The following NUPR2 variants were observed in gnomAD, a reference collection of about 807,000 sequenced individuals.
NUPR2 encodes the protein nuclear protein 2.
In NUPR2, 14 loss-of-function variants were observed where a neutral mutation model predicts 7.3. That is an observed-to-expected ratio of 1.93 (90% CI 1.27 to 3.01). The LOEUF (loss-of-function observed/expected upper bound fraction) is 3.01, where lower values mean the gene tolerates loss of function less well. Ranked by LOEUF, NUPR2 falls within the 30% of genes most tolerant of loss-of-function variation. The pLI, the probability that NUPR2 is intolerant of heterozygous loss-of-function variation, is 0.00. For missense variants in NUPR2, 162 were observed against 143.7 expected, an observed-to-expected ratio of 1.13 and a Z score of -0.65; for synonymous variants, 56 against 59.7, an observed-to-expected ratio of 0.94 and a Z score of 0.29.
Position 56,116,273 on chromosome 7 carries a change from A to G in NUPR2, c.42T>C (p.Ala14=), listed in dbSNP as rs1437593477. ...TTATGGGTGGCGGCGGCCGAGCCAGAGCCTGCAGACGTGGAAGCGCCCGCT... is the reference window on the plus strand; with the variant it reads ...TTATGGGTGGCGGCGGCCGAGCCAGGGCCTGCAGACGTGGAAGCGCCCGCT... The part of the protein sequence containing the change: ...PAERALPRLQ[A]LARPPPPISY... Residue 14 remains alanine (A), a synonymous_variant, in exon 1 of 2, where the codon GCT becomes GCC. Transcript: ENST00000329309. 3 of 1,525,622 alleles carry G rather than the reference A, an allele frequency of 2.0e-6. No homozygotes were observed. Among genetic ancestry groups the G allele is most frequent in the East Asian group, 5.2e-5 (2 of 38,104 alleles). The allele number at this position is 1,525,622 out of a possible 1,614,324, so 94.5% of individuals were successfully genotyped here. A position where few individuals can be genotyped will look rare whatever the true frequency, so the allele number is the denominator to read the frequency against.
At chr7:56,115,431 G>GTATATACATATATA (rs56746301) in intron 1 of NUPR2, among the ~76,000 whole-genome samples, 1 of 26,750 alleles carries the variant, frequency 3.7e-5, no homozygotes, top group Non-Finnish European at 6.3e-5. Context: ...ATATATATTT[G>GTATATACATATATA]TGTGTGTGTG....
intron 1 of NUPR2, among the ~76,000 whole-genome samples, chr7:56,115,626 TATA>T (rs759575942): frequency 4.6e-5 from 1 of 21,758 alleles, no homozygotes; most frequent in East Asian, 8.2e-4. Context: ...TGGCTAATTT[TATA>T]TATATATATA....
At chr7:56,115,413 A>ACACATG (rs1285875592) in intron 1 of NUPR2, among the ~76,000 whole-genome samples, 8 of 46,362 alleles carry the variant, frequency 1.7e-4, no homozygotes, top group African/African-American at 8.4e-4. Context: ...ATATATATAT[A>ACACATG]TATATATATA....
chr7:56,116,181 G>T lies in NUPR2; in HGVS notation c.134C>A (p.Ala45Glu). The T allele has an allele frequency of 6.5e-7, 1 of 1,548,810 alleles. No homozygotes were observed. The highest frequency in any genetic ancestry group is 8.7e-7 in the Non-Finnish European group (1 of 1,145,940). The change falls in exon 1 of 2, where the codon GCA (alanine) becomes GAA (glutamate). Residue 45 changes from alanine to glutamate, a missense_variant. Coordinates refer to ENST00000329309, the MANE Select transcript of NUPR2 (RefSeq NM_001145712.2). ...YYLRDFPACG[A>E]GRSKGRTRRE... ...CCGAGTCCGGCCCTTGCTGCGCCCT[G>T]CCCCGCAGGCCGGGAAGTCGCGCAG...
In NUPR2 at chr7:56,116,243, G is replaced by A; in HGVS notation, c.72C>T (p.Tyr24=). 2 of 1,542,732 alleles carry A rather than the reference G, an allele frequency of 1.3e-6. No individual in the cohort carries two copies. The highest frequency in any genetic ancestry group is 1.7e-6 in the Non-Finnish European group (2 of 1,143,644). The change falls in exon 1 of 2, where the codon TAC becomes TAT. Residue 24 remains tyrosine, a synonymous_variant. Transcript: ENST00000329309. The part of the protein sequence containing the change: ...ALARPPPPIS[Y]EEELYDCLDY... Reference sequence around the variant, plus strand: ...CCAGGCAGTCGTAAAGCTCCTCCTCGTAGCTTATGGGTGGCGGCGGCCGAG... The same window carrying A: ...CCAGGCAGTCGTAAAGCTCCTCCTCATAGCTTATGGGTGGCGGCGGCCGAG...
At position 56,115,431 on chromosome 7, in the gene NUPR2, G is replaced by T. The variant is rs1159900100; in HGVS notation, c.*7-534C>A. 1.3e-3 allele frequency among the ~76,000 whole-genome samples: 34 copies of T among 26,744 alleles called. 1 individual carries two copies. Among genetic ancestry groups the T allele is most frequent in the Non-Finnish European group, 1.8e-3 (28 of 15,732 alleles). The allele number at this position is 26,744 out of a possible 152,430, so 17.5% of individuals were successfully genotyped here. On this transcript the variant is annotated intron_variant, in intron 1 of 1. Transcript: ENST00000329309. ...TATATATATATATATATATATATTT[G>T]TGTGTGTGTGTGTGTGTGTGTGTGT...
At position 56,116,393 on chromosome 7, in the gene NUPR2, G is replaced by C. The variant is rs1309750599; in HGVS notation, c.-79C>G. 5 of 810,654 alleles carry C rather than the reference G, an allele frequency of 6.2e-6. No homozygotes were observed. Among genetic ancestry groups the C allele is most frequent in the Non-Finnish European group, 8.8e-6 (5 of 567,300 alleles). 50.2% of individuals were successfully genotyped at this position (810,654 alleles called of 1,614,324 possible). On this transcript the variant is annotated 5_prime_UTR_variant, in exon 1 of 2. Transcript: ENST00000329309. Reference sequence around the variant, plus strand: ...GGAAGACCCAGCAGCCCCGCCTCGAGTTCCGATGGGCTCCGCGTGAAGGTG... The same window carrying C: ...GGAAGACCCAGCAGCCCCGCCTCGACTTCCGATGGGCTCCGCGTGAAGGTG...
rs971128331 is a variant in NUPR2, at chr7:56,116,255, T to C, written c.60A>G (p.Pro20=). The change falls in exon 1 of 2, where the codon CCA becomes CCG. Residue 20 remains proline (P), a synonymous_variant. Transcript: ENST00000329309. ...PRLQALARPP[P]PISYEEELYD... is the part of the protein sequence containing the mutation. The stretch of plus-strand genomic sequence containing the variant: ...AAAGCTCCTCCTCGTAGCTTATGGG[T>C]GGCGGCGGCCGAGCCAGAGCCTGCA... 2 of 1,518,010 alleles carry C rather than the reference T, an allele frequency of 1.3e-6. No homozygotes were observed. Among genetic ancestry groups the C allele is most frequent in the African/African-American group, 2.9e-5 (2 of 69,966 alleles). 94.0% of individuals were successfully genotyped at this position (1,518,010 alleles called of 1,614,324 possible). A position where few individuals can be genotyped will look rare whatever the true frequency, so the allele number is the denominator to read the frequency against.
At position 56,114,697 on chromosome 7, in the gene NUPR2, C is replaced by G. The variant is rs1172300262; in HGVS notation, c.*207G>C. On this transcript the variant is annotated 3_prime_UTR_variant, in exon 2 of 2. Transcript: ENST00000329309. The stretch of plus-strand genomic sequence containing the variant: ...GAGTTAAAATGCCATTCTTGCTGCT[C>G]TCTTTTAATTAATAAACTCTAAAAA... 6.6e-6 allele frequency: 1 copy of G among 152,096 alleles called. No individual in the cohort carries two copies. The highest frequency in any genetic ancestry group is 1.5e-5 in the Non-Finnish European group (1 of 68,024). The allele number at this position is 152,096 out of a possible 1,614,324, so 9.4% of individuals were successfully genotyped here.
intron 1 of NUPR2, 120 bp from the exon 2 acceptor site, chr7:56,115,017 C>T (rs1357399022): frequency 1.3e-5 from 2 of 151,600 alleles, no homozygotes; most frequent in African/African-American, 4.9e-5. Flanking sequence ...CTCACTGCAG[C>T]CTAGACCTCC....
At chr7:56,115,394 C>CAT (rs1201360215) in intron 1 of NUPR2, among the ~76,000 whole-genome samples, 526 of 30,724 alleles carry the variant, frequency 0.017, 28 homozygotes, top group Non-Finnish European at 0.022. Flanking sequence ...GGCTCGATCG[C>CAT]ATATATATAT....
rs1423567871 is a variant in NUPR2, at chr7:56,116,257, G to A, written c.58C>T (p.Pro20Ser). 1.3e-6 allele frequency: 2 copies of A among 1,538,474 alleles called. No homozygotes were observed. The highest frequency in any genetic ancestry group is 8.8e-7 in the Non-Finnish European group (1 of 1,141,950). ...AGCTCCTCCTCGTAGCTTATGGGTG[G>A]CGGCGGCCGAGCCAGAGCCTGCAGA... is the stretch of plus-strand genomic sequence containing the variant. Reference protein sequence around the residue: ...PRLQALARPPPPISYEEELYD... With the variant: ...PRLQALARPPSPISYEEELYD... Residue 20 changes from proline (P) to serine (S), a missense_variant, in exon 1 of 2, where the codon CCA becomes TCA. By Grantham distance (74) the Pro-to-Ser change is moderately conservative (BLOSUM62 -1). Coordinates refer to ENST00000329309, the MANE Select transcript of NUPR2 (RefSeq NM_001145712.2).
In NUPR2 at chr7:56,116,088, A is replaced by C. The variant is rs1343762871; in HGVS notation, c.227T>G (p.Leu76Arg). 4 of 1,530,400 alleles carry C rather than the reference A, an allele frequency of 2.6e-6. No homozygotes were observed. In the East Asian group the frequency reaches 1.0e-4, roughly 39 times the overall value. 94.8% of individuals were successfully genotyped at this position (1,530,400 alleles called of 1,614,324 possible). A position where few individuals can be genotyped will look rare whatever the true frequency, so the allele number is the denominator to read the frequency against. Residue 76 changes from leucine (L) to arginine (R), a missense_variant, in exon 1 of 2, where the codon CTC becomes CGC. By Grantham distance (102) the Leu-to-Arg change is moderately radical (BLOSUM62 -2). Transcript: ENST00000329309. ...GCGGCGCTTGCGCTGGCCATTGAGG[A>C]GCTTCTGCGCGACCTTGCGCTCGTG... Reference protein sequence around the residue: ...GGHERKVAQKLLNGQRKRRQR... With the variant: ...GGHERKVAQKRLNGQRKRRQR...
Position 56,115,495 on chromosome 7 carries a change from C to T in NUPR2, c.*6+520G>A, listed in dbSNP as rs1785533335. ...TGTGTGTGACGGAGTCTCGCTCTGT[C>T]GCCAGGCTGGAGTGCAGTGGCACGA... On this transcript the variant is annotated intron_variant, in intron 1 of 1. Transcript: ENST00000329309. Among the ~76,000 whole-genome samples, 4 of 96,288 alleles carry T rather than the reference C, an allele frequency of 4.2e-5. 1 individual carries two copies. The South Asian group carries it at 1.4e-3, about 34-fold the overall frequency. 63.2% of individuals were successfully genotyped at this position (96,288 alleles called of 152,430 possible).
At chr7:56,115,740 G>A (rs1785539662) in intron 1 of NUPR2, among the ~76,000 whole-genome samples, 1 of 150,412 alleles carries the variant, frequency 6.6e-6, no homozygotes, top group Admixed American at 6.7e-5. Context: ...AAAGTGCTGG[G>A]ATTACAGGTG....
At position 56,116,125 on chromosome 7, in the gene NUPR2, C is replaced by CA; in HGVS notation, c.189dup (p.Ala64CysfsTer49). On this transcript the variant is annotated frameshift_variant, in exon 1 of 2. Coordinates refer to ENST00000329309, the MANE Select transcript of NUPR2 (RefSeq NM_001145712.2). LOFTEE classifies it high-confidence loss of function. ...ACCTTGCGCTCGTGCCCGCCAGGTG[C>CA]AGGCCAGTTGGTGCGCAGCGCCTGC... 1 of 1,544,892 alleles carries CA rather than the reference C, an allele frequency of 6.5e-7. No homozygotes were observed. The highest frequency in any genetic ancestry group is 8.7e-7 in the Non-Finnish European group (1 of 1,144,622).
intron 1 of NUPR2, among the ~76,000 whole-genome samples, chr7:56,115,625 TTA>T (rs57272607): frequency 0.014 from 1,423 of 105,160 alleles, 109 homozygotes; most frequent in African/African-American, 0.045. Flanking sequence ...CTGGCTAATT[TTA>T]TATATATATA....
At chr7:56,115,449 G>GTATATATATATATA (rs60116657) in intron 1 of NUPR2, among the ~76,000 whole-genome samples, 11 of 37,182 alleles carry the variant, frequency 3.0e-4, no homozygotes, top group South Asian at 8.3e-4. Flanking sequence ...GTGTGTGTGT[G>GTATATATATATATA]TGTGTGTGTG....
At chr7:56,115,301 T>A (rs1785520622) in intron 1 of NUPR2, among the ~76,000 whole-genome samples, 1 of 148,928 alleles carries the variant, frequency 6.7e-6, no homozygotes, top group Non-Finnish European at 1.5e-5. Flanking sequence ...CTATTTTTTT[T>A]AGACACAGGG....
Sources: gnomAD v4.1 joint callset for allele counts (sites outside exome capture counted in the v4.1 genomes callset) on GRCh38, gnomAD v4.1.1 for gene constraint, MANE v1.5 for transcripts, NCBI Gene and HGNC (gene_info 2026-07-23, HGNC 2026-07-21) for gene names.